The following SRSF7 variants were observed in gnomAD, a reference collection of about 807,000 sequenced individuals.
SRSF7 encodes serine and arginine rich splicing factor 7, also known as serine/arginine-rich splicing factor 7.
A neutral mutation model predicts 42.2 loss-of-function variants in SRSF7; 15 were observed. The ratio of observed to expected loss-of-function variants is 0.36; its 90% CI spans 0.24 to 0.55. The LOEUF (loss-of-function observed/expected upper bound fraction) is 0.55. SRSF7 is among the 20% of genes least tolerant of loss of function. SRSF7 has a pLI of 0.88. For synonymous variants in SRSF7, 138 were observed against 107.9 expected, an observed-to-expected ratio of 1.28 and a Z score of -1.73; for missense variants, 181 against 305.9, an observed-to-expected ratio of 0.59 and a Z score of 3.04.
At chr2:38,747,467 G>GC (rs1222149406) in intron 5 of SRSF7, among the ~76,000 whole-genome samples, 2 of 152,004 alleles carry the variant, frequency 1.3e-5, no homozygotes, top group African/African-American at 2.4e-5. Context: ...ATTACATGTT[G>GC]CAATACTTAT....
chr2:38,748,191 T>TA (rs1667765340), intron 4 of SRSF7, 34 bp from the exon 5 acceptor site: 1 of 583,888 alleles, frequency 1.7e-6, no homozygotes, highest in East Asian at 6.5e-5. Context: ...ATCTCCACAG[T>TA]TTTTTTTTTT....
chr2:38,749,903 G>T, intron 2 of SRSF7, 111 bp downstream of exon 2: 1 of 1,320,802 alleles, frequency 7.6e-7, no homozygotes. Flanking sequence ...TTAACACTAT[G>T]ACCAGCTATT....
intron 1 of SRSF7, 143 bp downstream of exon 1, chr2:38,751,086 C>CTGCCTCCGG (rs2148499176): frequency 9.2e-7 from 1 of 1,089,968 alleles, no homozygotes; most frequent in East Asian, 2.4e-5. Context: ...CCCGCCTCCG[C>CTGCCTCCGG]TGCCTCCGGC....
At chr2:38,750,667 G>A (rs1370208695) in intron 1 of SRSF7, among the ~76,000 whole-genome samples, 2 of 148,084 alleles carry the variant, frequency 1.4e-5, no homozygotes, top group East Asian at 2.1e-4. Context: ...CCCCGCCCCA[G>A]AGCCATAAAC....
chr2:38,750,218 A>C, intron 1 of SRSF7, 24 bp from the exon 2 acceptor site: 1 of 1,574,094 alleles, frequency 6.4e-7, no homozygotes, highest in Non-Finnish European at 8.6e-7. Flanking sequence ...CAAATAGAAG[A>C]ATGCACGTTA....
At chr2:38,749,906 C>T (rs914359246) in intron 2 of SRSF7, 108 bp downstream of exon 2, 2 of 1,330,754 alleles carry the variant, frequency 1.5e-6, no homozygotes, top group Admixed American at 2.4e-5. Flanking sequence ...ACACTATGAC[C>T]AGCTATTTAA....
intron 4 of SRSF7, 77 bp downstream of exon 4, chr2:38,748,502 T>C: frequency 6.7e-7 from 1 of 1,482,532 alleles, no homozygotes; most frequent in Non-Finnish European, 9.4e-7. Flanking sequence ...CCAAAAAAAA[T>C]AATGAGCTTT....
At position 38,748,252 on chromosome 2, in the gene SRSF7, T is replaced by C. The variant is rs1667777681; in HGVS notation, c.462-95A>G. Reference sequence around the variant, plus strand: ...GGAACGGTGCAGTGGCTCATGCCCATAATCCCAGCACTGCGGGAGGATCGT... The same window carrying C: ...GGAACGGTGCAGTGGCTCATGCCCACAATCCCAGCACTGCGGGAGGATCGT... On this transcript the variant is annotated intron_variant, in intron 4 of 7. Coordinates refer to ENST00000313117, the MANE Select transcript of SRSF7 (RefSeq NM_001031684.3). 6 of 910,770 alleles carry C rather than the reference T, an allele frequency of 6.6e-6. No individual in the cohort carries two copies. In the South Asian group the frequency reaches 7.7e-5, roughly 12 times the overall value. The allele number at this position is 910,770 out of a possible 1,614,324, so 56.4% of individuals were successfully genotyped here.
chr2:38,744,685 T>G lies in SRSF7; in HGVS notation c.*448A>C. 1 of 164,256 alleles carries G rather than the reference T, an allele frequency of 6.1e-6. No individual in the cohort carries two copies. Among genetic ancestry groups the G allele is most frequent in the Non-Finnish European group, 1.3e-5 (1 of 75,134 alleles). The allele number at this position is 164,256 out of a possible 1,614,324, so 10.2% of individuals were successfully genotyped here. ...GCTGTATCATAAGGGACTCAGGTCA[T>G]CTTACCCAGAGCTACAAGGGTAAGA... On this transcript the variant is annotated 3_prime_UTR_variant, in exon 8 of 8. Transcript: ENST00000313117.
chr2:38,750,945 G>A (rs1668249362), intron 1 of SRSF7: 3 of 393,876 alleles, frequency 7.6e-6, no homozygotes, highest in Admixed American at 3.7e-5. Flanking sequence ...GGGGCCGGCG[G>A]GCAGCTCCGA....
At chr2:38,747,970 G>T in intron 5 of SRSF7, 77 bp downstream of exon 5, 1 of 1,011,520 alleles carries the variant, frequency 9.9e-7, no homozygotes. Context: ...CAATCCATTT[G>T]AATTATGTCC....
chr2:38,747,254 C>T (rs910865925), intron 5 of SRSF7: 3 of 314,682 alleles, frequency 9.5e-6, no homozygotes, highest in Non-Finnish European at 2.0e-5. Flanking sequence ...TGTTTGAGAG[C>T]CATCAATCTG....
chr2:38,748,989 G>T, intron 3 of SRSF7: 1 of 1,286,564 alleles, frequency 7.8e-7, no homozygotes, highest in Non-Finnish European at 1.0e-6. Flanking sequence ...GCATCTAGAT[G>T]TTTTCTTCAA....
intron 7 of SRSF7, among the ~76,000 whole-genome samples, chr2:38,745,871 G>A (rs891810946): frequency 1.3e-5 from 2 of 151,952 alleles, no homozygotes; most frequent in African/African-American, 4.8e-5. Context: ...TGGGGAAAAG[G>A]CATCTATCTT....
At chr2:38,750,831 G>A (rs1260223937) in intron 1 of SRSF7, 2 of 255,186 alleles carry the variant, frequency 7.8e-6, no homozygotes, top group Non-Finnish European at 1.6e-5. Context: ...TACAGCTGCG[G>A]CCAGATCTGT....
rs1182717518 is a variant in SRSF7, at chr2:38,750,203, A to T, written c.29-9T>A. On this transcript the variant is annotated splice_polypyrimidine_tract_variant and intron_variant, in intron 1 of 7. Coordinates refer to ENST00000313117, the MANE Select transcript of SRSF7 (RefSeq NM_001031684.3). ...AACATACACCTTGGTTTCTGTTTAAAAACGCAAATAGAAGAATGCACGTTA... is the reference window on the plus strand; with the variant it reads ...AACATACACCTTGGTTTCTGTTTAATAACGCAAATAGAAGAATGCACGTTA... 1 of 1,585,134 alleles carries T rather than the reference A, an allele frequency of 6.3e-7. No homozygotes were observed. The highest frequency in any genetic ancestry group is 2.3e-5 in the East Asian group (1 of 44,406).
In SRSF7 at chr2:38,751,213, G is replaced by A. The variant is rs371320726; in HGVS notation, c.28+16C>T. The stretch of plus-strand genomic sequence containing the variant: ...ACACCCACACCAACGTCCCTCACCG[G>A]ACTCCAGCTTCTTACCTCCTCCGTA... On this transcript the variant is annotated intron_variant, in intron 1 of 7. Coordinates refer to ENST00000313117, the MANE Select transcript of SRSF7 (RefSeq NM_001031684.3). 2.5e-6 allele frequency: 4 copies of A among 1,613,970 alleles called. No individual in the cohort carries two copies. Among genetic ancestry groups the A allele is most frequent in the African/African-American group, 2.7e-5 (2 of 75,016 alleles).
chr2:38,748,177 G>T lies in SRSF7; in HGVS notation c.462-20C>A. ...CTTGACCTAAAATAAAGAACTTTAA[G>T]TCCATCTCCACAGTTTTTTTTTTTT... On this transcript the variant is annotated intron_variant, in intron 4 of 7. Transcript: ENST00000313117. The T allele has an allele frequency of 6.4e-7, 1 of 1,572,998 alleles. No individual in the cohort carries two copies. Among genetic ancestry groups the T allele is most frequent in the Non-Finnish European group, 8.7e-7 (1 of 1,152,452 alleles).
chr2:38,744,150 T>G lies in SRSF7; in HGVS notation c.*983A>C. On this transcript the variant is annotated 3_prime_UTR_variant, in exon 8 of 8. Transcript: ENST00000313117. ...TGACATTTCTGATTGACATCTTTAATTACTTTGCACCAGCCTGGCAAAATA... is the reference window on the plus strand; with the variant it reads ...TGACATTTCTGATTGACATCTTTAAGTACTTTGCACCAGCCTGGCAAAATA... 7 of 152,602 alleles carry G rather than the reference T, an allele frequency of 4.6e-5. No individual in the cohort carries two copies. The highest frequency in any genetic ancestry group is 1.0e-4 in the Non-Finnish European group (7 of 68,046). The allele number at this position is 152,602 out of a possible 1,614,324, so 9.5% of individuals were successfully genotyped here.
Sources: allele counts gnomAD v4.1 joint callset (sites outside exome capture counted in the v4.1 genomes callset), GRCh38; gene constraint gnomAD v4.1.1; transcripts MANE v1.5; gene names NCBI Gene and HGNC (gene_info 2026-07-23, HGNC 2026-07-21).